The following PDE3A variants were observed in gnomAD, a reference collection of about 807,000 sequenced individuals.
PDE3A encodes cGMP-inhibited 3',5'-cyclic phosphodiesterase 3A.
In PDE3A, 43 loss-of-function variants were observed where a neutral mutation model predicts 98.3. The ratio of observed to expected loss-of-function variants is 0.44; its 90% confidence interval spans 0.34 to 0.56. PDE3A has a LOEUF of 0.56. Among genes scored for constraint, PDE3A ranks in the 20% least tolerant of loss-of-function variants. The probability of loss-of-function intolerance (pLI) is 0.01; values close to 1 mark genes in which losing one functional copy is unlikely to be tolerated. For synonymous variants in PDE3A, 663 were observed against 567.9 expected, an observed-to-expected ratio of 1.17 and a Z score of -2.38; for missense variants, 1,427 against 1,440.7, an observed-to-expected ratio of 0.99 and a Z score of 0.15.
chr12:20,617,613 A>G (rs1034416519), intron 4 of PDE3A, among the ~76,000 whole-genome samples: 2 of 152,132 alleles, frequency 1.3e-5, no homozygotes, highest in Non-Finnish European at 2.9e-5. Context: ...ATAGTTAACT[A>G]TTGCTTAATA....
At chr12:20,381,202 T>G (rs1943657523) in intron 1 of PDE3A, among the ~76,000 whole-genome samples, 1 of 151,848 alleles carries the variant, frequency 6.6e-6, no homozygotes, top group South Asian at 2.1e-4. Flanking sequence ...AGCAATTAAC[T>G]AGTCCTAATA....
At position 20,685,653 on chromosome 12, in the gene PDE3A, T is replaced by C. The variant is rs59380540; in HGVS notation, c.*5382T>C. Among the ~76,000 whole-genome samples, 6 of 152,290 alleles carry C rather than the reference T, an allele frequency of 3.9e-5. No homozygotes were observed. The highest frequency in any genetic ancestry group is 1.4e-4 in the African/African-American group (6 of 41,580). On this transcript the variant is annotated 3_prime_UTR_variant, in exon 16 of 16. Transcript: ENST00000359062. ...AAGGAATCCACATTTTCTTTCCAGA[T>C]ACAGCTAGTTTTTCTCCACATGTTT...
chr12:20,497,327 T>G (rs188564616), intron 1 of PDE3A, among the ~76,000 whole-genome samples: 60 of 151,804 alleles, frequency 4.0e-4, no homozygotes, highest in Non-Finnish European at 7.8e-4. Context: ...TTATATGAAG[T>G]CATATTTAAA....
At chr12:20,501,194 C>A (rs1000343310) in intron 1 of PDE3A, among the ~76,000 whole-genome samples, 5 of 152,194 alleles carry the variant, frequency 3.3e-5, no homozygotes, top group African/African-American at 1.2e-4. Context: ...TCTCTCAATT[C>A]TGTGAACAAG....
At chr12:20,606,321 C>T (rs1352217688) in intron 2 of PDE3A, among the ~76,000 whole-genome samples, 2 of 152,122 alleles carry the variant, frequency 1.3e-5, no homozygotes, top group African/African-American at 2.4e-5. Context: ...TCAAACACAG[C>T]ACCACAGCAA....
chr12:20,440,584 C>A (rs143295995), intron 1 of PDE3A, among the ~76,000 whole-genome samples: 24 of 152,312 alleles, frequency 1.6e-4, no homozygotes, highest in African/African-American at 5.8e-4. Flanking sequence ...AGTCACATCA[C>A]TTACATAACA....
intron 1 of PDE3A, among the ~76,000 whole-genome samples, chr12:20,507,928 G>A (rs1435535768): frequency 6.6e-6 from 1 of 152,032 alleles, no homozygotes; most frequent in Non-Finnish European, 1.5e-5. Flanking sequence ...TAGCCCGAGT[G>A]ATCCTTTCAG....
intron 1 of PDE3A, among the ~76,000 whole-genome samples, chr12:20,511,063 T>G (rs967847384): frequency 3.3e-5 from 5 of 152,024 alleles, no homozygotes; most frequent in Non-Finnish European, 7.4e-5. Flanking sequence ...AAGTCACCAC[T>G]GAGTCAAAAA....
chr12:20,593,547 G>GA (rs11346487), intron 2 of PDE3A, among the ~76,000 whole-genome samples: 35 of 146,776 alleles, frequency 2.4e-4, no homozygotes, highest in South Asian at 8.6e-4. Flanking sequence ...GCTTTTTAAG[G>GA]AAAAAAAAAA....
At chr12:20,642,930 A>G (rs1009801476) in intron 10 of PDE3A, among the ~76,000 whole-genome samples, 2 of 152,232 alleles carry the variant, frequency 1.3e-5, no homozygotes, top group African/African-American at 4.8e-5. Context: ...TACAAAATAT[A>G]TAAATTTGGA....
chr12:20,686,631 C>G lies in PDE3A; in HGVS notation c.*6360C>G, dbSNP rs1342411206. Among the ~76,000 whole-genome samples the G allele has an allele frequency of 6.6e-6, 1 of 152,092 alleles. No individual in the cohort carries two copies. Among genetic ancestry groups the G allele is most frequent in the East Asian group, 1.9e-4 (1 of 5,192 alleles). ...ACTACAGCAGGATATTTTTCCTTTC[C>G]TGTTTCAAAACAAAAACCAGATGAA... On this transcript the variant is annotated 3_prime_UTR_variant, in exon 16 of 16. Transcript: ENST00000359062.
intron 1 of PDE3A, among the ~76,000 whole-genome samples, chr12:20,450,863 G>C (rs1945051242): frequency 6.6e-6 from 1 of 152,168 alleles, no homozygotes; most frequent in African/African-American, 2.4e-5. Context: ...ACAGCAAGTG[G>C]GCACCAAAGA....
intron 2 of PDE3A, among the ~76,000 whole-genome samples, chr12:20,606,016 T>C (rs985282345): frequency 2.6e-5 from 4 of 152,220 alleles, no homozygotes; most frequent in Non-Finnish European, 4.4e-5. Context: ...AACTTGACTA[T>C]ATTGGTGCTA....
intron 2 of PDE3A, among the ~76,000 whole-genome samples, chr12:20,561,690 G>A (rs1942526230): frequency 6.6e-6 from 1 of 151,678 alleles, no homozygotes. Flanking sequence ...GCTTCTCCCG[G>A]GATACTTAAT....
intron 15 of PDE3A, among the ~76,000 whole-genome samples, chr12:20,677,552 C>T (rs574272895): frequency 7.9e-5 from 12 of 152,122 alleles, no homozygotes; most frequent in South Asian, 6.2e-4. Flanking sequence ...CTCCGCCTCC[C>T]GGGTTCAAGC....
At chr12:20,377,751 G>A (rs2120526340) in intron 1 of PDE3A, among the ~76,000 whole-genome samples, 1 of 151,538 alleles carries the variant, frequency 6.6e-6, no homozygotes, top group Admixed American at 6.6e-5. Flanking sequence ...ATTTTCATCG[G>A]AGGGGGAGAT....
intron 1 of PDE3A, among the ~76,000 whole-genome samples, chr12:20,516,257 A>G (rs6487101): frequency 0.28 from 42,339 of 152,030 alleles, 6,903 homozygotes; most frequent in East Asian, 0.55. Flanking sequence ...TGACCTTATT[A>G]GATAGTGATA....
chr12:20,646,648 A>G lies in PDE3A; in HGVS notation c.2365+45A>G, dbSNP rs1479532127. The G allele has an allele frequency of 3.6e-6, 5 of 1,403,188 alleles. No homozygotes were observed. In the South Asian group the frequency reaches 5.8e-5, roughly 16 times the overall value. The allele number at this position is 1,403,188 out of a possible 1,614,324, so 86.9% of individuals were successfully genotyped here. On this transcript the variant is annotated intron_variant, in intron 11 of 15. Coordinates refer to ENST00000359062, the MANE Select transcript of PDE3A (RefSeq NM_000921.5). Reference sequence around the variant, plus strand: ...GCACTGCCTTATGAAAGATGGGAACAAGGGTGTTTTTGTTTTTGTTTTTTT... The same window carrying G: ...GCACTGCCTTATGAAAGATGGGAACGAGGGTGTTTTTGTTTTTGTTTTTTT...
Position 20,648,691 on chromosome 12 carries a change from G to A in PDE3A, c.2569G>A (p.Val857Met). The part of the protein sequence containing the change: ...FLVATSAPQA[V>M]LYNDRSVLEN... ...CTTAACTGTCTTATTTGCCTAGGCG[G>A]TGCTATATAACGATCGTTCAGTTTT... Residue 857 changes from valine (V) to methionine (M), a missense_variant, in exon 13 of 16, where the codon GTG (valine) becomes ATG (methionine). Physicochemically the swap from Val to Met is conservative, Grantham distance 21. Coordinates refer to ENST00000359062, the MANE Select transcript of PDE3A (RefSeq NM_000921.5). 4.4e-6 allele frequency: 7 copies of A among 1,599,534 alleles called. No individual in the cohort carries two copies. Among genetic ancestry groups the A allele is most frequent in the Non-Finnish European group, 6.0e-6 (7 of 1,166,932 alleles).
Sources: gnomAD v4.1 joint callset for allele counts (sites outside exome capture counted in the v4.1 genomes callset) on GRCh38, gnomAD v4.1.1 for gene constraint, MANE v1.5 for transcripts, NCBI Gene and HGNC (gene_info 2026-07-23, HGNC 2026-07-21) for gene names.